RIN2: variants seen among roughly 807,000 people sequenced by gnomAD.
RIN2 encodes the protein Ras and Rab interactor 2, also known as RAB5 interacting protein 2.
RIN2 carries 36 observed loss-of-function variants against 78.0 expected under a neutral mutation model. The observed-to-expected ratio is 0.46, with a 90% CI of 0.35 to 0.61. The LOEUF is 0.61. Among genes scored for constraint, RIN2 ranks in the 20% least tolerant of loss-of-function variants. RIN2 has a pLI of 0.00. For synonymous variants in RIN2, 466 were observed against 466.8 expected, an observed-to-expected ratio of 1.00 and a Z score of 0.02; for missense variants, 1,087 against 1,159.7, an observed-to-expected ratio of 0.94 and a Z score of 0.91.
chr20:19,809,906 G>C (rs16981145), intron 2 of RIN2, among the ~76,000 whole-genome samples: 20,351 of 152,102 alleles, frequency 0.13, 1,760 homozygotes, highest in African/African-American at 0.24. Flanking sequence ...AGTTTTCAGA[G>C]GGAGATCCTC....
At chr20:19,837,148 A>C (rs547743180) in intron 2 of RIN2, among the ~76,000 whole-genome samples, 1 of 145,414 alleles carries the variant, frequency 6.9e-6, no homozygotes, top group South Asian at 2.2e-4. Flanking sequence ...GTAACACTGA[A>C]CATCACACAC....
chr20:19,844,600 CCTCTTCTTCTTCTTCT>C (rs2036682908), intron 2 of RIN2, among the ~76,000 whole-genome samples: 6 of 74,812 alleles, frequency 8.0e-5, no homozygotes, highest in African/African-American at 2.3e-4. Context: ...GCTGCTTCTT[CCTCTTCTTCTTCTTCT>C]TCTTCTTCTT....
chr20:19,933,799 A>C (rs559467668), intron 3 of RIN2, among the ~76,000 whole-genome samples: 3 of 152,110 alleles, frequency 2.0e-5, no homozygotes, highest in South Asian at 4.2e-4. Context: ...ATGCTCTTTA[A>C]AATTATTATT....
chr20:20,001,076 C>G lies in RIN2; in HGVS notation c.*140C>G, dbSNP rs922425328. 5.3e-6 allele frequency: 4 copies of G among 760,096 alleles called. No homozygotes were observed. The highest frequency in any genetic ancestry group is 2.9e-5 in the Admixed American group (1 of 34,136). 47.1% of individuals were successfully genotyped at this position (760,096 alleles called of 1,614,324 possible). On this transcript the variant is annotated 3_prime_UTR_variant, in exon 13 of 13. Transcript: ENST00000255006. ...AGTGACTAAGCCATCCACAGGCCAA[C>G]TCGGCCAAGGGCAACTTTAGCCACG...
At chr20:19,910,701 T>G (rs2039426310) in intron 3 of RIN2, among the ~76,000 whole-genome samples, 1 of 151,782 alleles carries the variant, frequency 6.6e-6, no homozygotes, top group Admixed American at 6.6e-5. Flanking sequence ...CCCACAGAGC[T>G]GGGATTACAG....
intron 12 of RIN2, 46 bp from the exon 13 acceptor site, chr20:20,000,567 C>G: frequency 6.8e-7 from 1 of 1,460,386 alleles, no homozygotes; most frequent in Non-Finnish European, 9.4e-7. Flanking sequence ...TGCTCACTAT[C>G]TAGTTTTCTC....
chr20:19,829,699 T>A (rs1183127673), intron 2 of RIN2, among the ~76,000 whole-genome samples: 1 of 151,736 alleles, frequency 6.6e-6, no homozygotes, highest in African/African-American at 2.4e-5. Flanking sequence ...AGCAGTGGGG[T>A]TTAGGCTGGG....
chr20:19,823,952 C>T, intron 2 of RIN2: 1 of 1,480,890 alleles, frequency 6.8e-7, no homozygotes, highest in Non-Finnish European at 9.3e-7. Context: ...ATGGTGGAGG[C>T]AGCTGGTGTC....
rs1329397990 is a variant in RIN2 at position 19,850,458 on chromosome 20, A to G, written c.-36-39108A>G. ...TAGACAATGCACAGAACCATCAGCC[A>G]TGGTCCTCACAAACCACTTGGCCAC... On this transcript the variant is annotated intron_variant, in intron 2 of 12. Transcript: ENST00000255006. Among the ~76,000 whole-genome samples, 3 of 152,184 alleles carry G rather than the reference A, an allele frequency of 2.0e-5. No individual in the cohort carries two copies. The East Asian group carries it at 5.8e-4, about 29-fold the overall frequency.
intron 9 of RIN2, among the ~76,000 whole-genome samples, chr20:19,984,478 C>T (rs537627395): frequency 6.6e-6 from 1 of 152,230 alleles, no homozygotes; most frequent in South Asian, 2.1e-4. Context: ...GTAACAGAAT[C>T]TCATGGGGCC....
intron 2 of RIN2, among the ~76,000 whole-genome samples, chr20:19,856,056 A>T (rs2037155631): frequency 6.6e-6 from 1 of 152,204 alleles, no homozygotes; most frequent in South Asian, 2.1e-4. Flanking sequence ...CCTGCGTGAC[A>T]CAGCAAGACT....
At chr20:19,844,587 GCTGCTGCTTCTTCCTCTT>G (rs1381659798) in intron 2 of RIN2, among the ~76,000 whole-genome samples, 6 of 139,784 alleles carry the variant, frequency 4.3e-5, no homozygotes, top group African/African-American at 1.6e-4. Flanking sequence ...TGCTGCTGCT[GCTGCTGCTTCTTCCTCTT>G]CTTCTTCTTC....
chr20:19,943,596 A>G (rs1212298663), intron 4 of RIN2, among the ~76,000 whole-genome samples: 4 of 152,216 alleles, frequency 2.6e-5, no homozygotes, highest in African/African-American at 9.6e-5. Context: ...AAAGGCCTTG[A>G]GGAATTAAGT....
chr20:19,919,651 C>T (rs1255822920), intron 3 of RIN2, among the ~76,000 whole-genome samples: 1 of 151,794 alleles, frequency 6.6e-6, no homozygotes, highest in African/African-American at 2.4e-5. Context: ...ACTATAAATA[C>T]AAAAATTAGC....
chr20:19,814,067 CAG>C (rs1480343068), intron 2 of RIN2, among the ~76,000 whole-genome samples: 1 of 152,158 alleles, frequency 6.6e-6, no homozygotes, highest in Non-Finnish European at 1.5e-5. Flanking sequence ...GTGCAAGAAA[CAG>C]AGAACAAAGC....
At chr20:19,829,348 C>T (rs2036185392) in intron 2 of RIN2, among the ~76,000 whole-genome samples, 1 of 150,968 alleles carries the variant, frequency 6.6e-6, no homozygotes, top group Admixed American at 6.6e-5. Context: ...GGAGATGAAG[C>T]CAAAAAAAGA....
intron 2 of RIN2, among the ~76,000 whole-genome samples, chr20:19,807,160 T>C (rs1307699958): frequency 6.6e-6 from 1 of 152,240 alleles, no homozygotes; most frequent in Non-Finnish European, 1.5e-5. Flanking sequence ...GTAAAGCTTG[T>C]GCTTGGAATC....
At chr20:19,810,683 C>A (rs1384174316) in intron 2 of RIN2, among the ~76,000 whole-genome samples, 5 of 99,626 alleles carry the variant, frequency 5.0e-5, no homozygotes, top group Non-Finnish European at 8.0e-5. Flanking sequence ...TTATAAGGTA[C>A]TTTTTTTTTT....
At chr20:19,937,641 CCTT>C (rs554724712) in intron 4 of RIN2, among the ~76,000 whole-genome samples, 67 of 152,180 alleles carry the variant, frequency 4.4e-4, no homozygotes, top group Non-Finnish European at 7.9e-4. Flanking sequence ...GCCATGGACT[CCTT>C]CTCTGAATAA....
Sources: allele counts gnomAD v4.1 joint callset (sites outside exome capture counted in the v4.1 genomes callset), GRCh38; gene constraint gnomAD v4.1.1; transcripts MANE v1.5; gene names NCBI Gene and HGNC (gene_info 2026-07-23, HGNC 2026-07-21).